ASRGL1: variants seen among roughly 807,000 people sequenced by gnomAD.
ASRGL1 encodes asparaginase and isoaspartyl peptidase 1.
A neutral mutation model predicts 22.4 loss-of-function variants in ASRGL1; 16 were observed. The ratio of observed to expected loss-of-function variants is 0.71; its 90% CI spans 0.48 to 1.08. ASRGL1 has a LOEUF of 1.08. ASRGL1 is among the 50% of genes least tolerant of loss of function. The probability of loss-of-function intolerance (pLI) is 0.00; values close to 1 mark genes in which losing one functional copy is unlikely to be tolerated. For synonymous variants in ASRGL1, 165 were observed against 159.3 expected, an observed-to-expected ratio of 1.04 and a Z score of -0.27; for missense variants, 412 against 410.1, an observed-to-expected ratio of 1.00 and a Z score of -0.04.
chr11:62,349,008 G>T (rs1303862508), intron 2 of ASRGL1, among the ~76,000 whole-genome samples: 4 of 151,402 alleles, frequency 2.6e-5, no homozygotes, highest in African/African-American at 9.7e-5. Context: ...TCACTCTGTC[G>T]CCCAGGCTGG....
In ASRGL1 at chr11:62,392,733, AAGC is replaced by A. The variant is rs1453176625; in HGVS notation, c.*452_*454del. Reference sequence around the variant, plus strand: ...TTTGAAAGTGACACAGCAGCAGTAGAAGCAGTGGTGGGCGAAGCCCAGGTGACC... The same window carrying A: ...TTTGAAAGTGACACAGCAGCAGTAGAAGTGGTGGGCGAAGCCCAGGTGACC... On this transcript the variant is annotated 3_prime_UTR_variant, in exon 7 of 7. Transcript: ENST00000415229. 4.3e-5 allele frequency: 8 copies of A among 188,208 alleles called. No individual in the cohort carries two copies. The highest frequency in any genetic ancestry group is 1.7e-4 in the African/African-American group (7 of 42,146). 11.7% of individuals were successfully genotyped at this position (188,208 alleles called of 1,614,324 possible). A position where few individuals can be genotyped will look rare whatever the true frequency, so the allele number is the denominator to read the frequency against.
downstream of ASRGL1, among the ~76,000 whole-genome samples, chr11:62,397,135 T>C (rs1947441216): frequency 6.6e-6 from 1 of 152,164 alleles, no homozygotes; most frequent in African/African-American, 2.4e-5. Context: ...GTTCAAGCGA[T>C]TCTCCTGCCT....
intron 4 of ASRGL1, among the ~76,000 whole-genome samples, chr11:62,381,395 T>C (rs575657231): frequency 2.3e-4 from 35 of 152,228 alleles, no homozygotes; most frequent in Non-Finnish European, 4.4e-4. Context: ...ATATTTACAA[T>C]GTGAACTTTT....
intron 4 of ASRGL1, among the ~76,000 whole-genome samples, chr11:62,380,685 A>G (rs1296724418): frequency 6.6e-6 from 1 of 152,184 alleles, no homozygotes; most frequent in African/African-American, 2.4e-5. Context: ...GTCTATGTCC[A>G]TGAGCAGTGG....
At chr11:62,397,937 C>A (rs1369557451), downstream of ASRGL1, among the ~76,000 whole-genome samples, 2 of 152,090 alleles carry the variant, frequency 1.3e-5, no homozygotes, top group African/African-American at 4.8e-5. Context: ...AAATCCAGCA[C>A]CTTTCTTACT....
At chr11:62,369,299 C>T (rs1299351014) in intron 4 of ASRGL1, among the ~76,000 whole-genome samples, 2 of 152,132 alleles carry the variant, frequency 1.3e-5, no homozygotes, top group African/African-American at 2.4e-5. Flanking sequence ...CAACACAGCA[C>T]ATGTCTCTGC....
chr11:62,400,758 G>A, the ASRGL1 span, among the ~76,000 whole-genome samples: 4 of 152,284 alleles, frequency 2.6e-5, no homozygotes, highest in Middle Eastern at 3.4e-3. Context: ...GGCAGGCTTC[G>A]AGTTCAACTC....
intron 4 of ASRGL1, among the ~76,000 whole-genome samples, chr11:62,375,273 C>T (rs1946884303): frequency 6.6e-6 from 1 of 151,294 alleles, no homozygotes; most frequent in South Asian, 2.1e-4. Flanking sequence ...ACACAGTTGC[C>T]CGGCTGGGAA....
intron 4 of ASRGL1, among the ~76,000 whole-genome samples, chr11:62,384,037 T>C (rs1200702277): frequency 2.0e-5 from 3 of 148,242 alleles, no homozygotes; most frequent in Non-Finnish European, 4.5e-5. Flanking sequence ...CGTGTGTGCG[T>C]GTGTGTGTGT....
At chr11:62,364,647 G>T (rs1946566457) in intron 4 of ASRGL1, among the ~76,000 whole-genome samples, 1 of 152,192 alleles carries the variant, frequency 6.6e-6, no homozygotes, top group African/African-American at 2.4e-5. Flanking sequence ...ATATACAGTG[G>T]AATATAATTC....
chr11:62,350,336 G>A (rs1012848378), intron 2 of ASRGL1, among the ~76,000 whole-genome samples: 1 of 152,076 alleles, frequency 6.6e-6, no homozygotes, highest in African/African-American at 2.4e-5. Context: ...ACATTCACCC[G>A]GGAAAGGATA....
chr11:62,371,233 C>T (rs1243716541), intron 4 of ASRGL1: 2 of 1,267,810 alleles, frequency 1.6e-6, no homozygotes, highest in African/African-American at 1.6e-5. Context: ...GCCCCGCAGC[C>T]GGAAGCGCGA....
intron 2 of ASRGL1, among the ~76,000 whole-genome samples, chr11:62,340,911 T>G (rs904687014): frequency 2.0e-5 from 3 of 152,242 alleles, no homozygotes; most frequent in Admixed American, 6.5e-5. Flanking sequence ...ATGACACAAC[T>G]TGCCTGAACA....
At chr11:62,347,098 G>C (rs1209847357) in intron 2 of ASRGL1, among the ~76,000 whole-genome samples, 1 of 152,162 alleles carries the variant, frequency 6.6e-6, no homozygotes, top group East Asian at 1.9e-4. Flanking sequence ...TTCTGAGGAA[G>C]TCTCATGTAA....
rs777744851 is a variant in ASRGL1, at chr11:62,392,273, G to C, written c.916G>C (p.Asp306His). Residue 306 changes from aspartate to histidine, a missense_variant, in exon 7 of 7, where the codon GAC becomes CAC. Physicochemically the swap from Asp to His is moderately conservative, Grantham distance 81. Transcript: ENST00000415229. ...TGATCCTGACGATACTACTATCACC[G>C]ACCTTCCCTAAGCCGCTGGAAGATT... ...GIDPDDTTIT[D>H]LP 187 of 1,613,522 alleles carry C rather than the reference G, an allele frequency of 1.2e-4. No individual in the cohort carries two copies. Among genetic ancestry groups the C allele is most frequent in the Non-Finnish European group, 1.5e-4 (179 of 1,180,042 alleles).
chr11:62,369,604 C>T (rs1450149820), intron 4 of ASRGL1, among the ~76,000 whole-genome samples: 1 of 152,046 alleles, frequency 6.6e-6, no homozygotes. Flanking sequence ...ATAGTACTTC[C>T]GATGGTCTTA....
Position 62,375,608 on chromosome 11 carries a change from C to T in ASRGL1, c.492-13525C>T, listed in dbSNP as rs1946906653. Among the ~76,000 whole-genome samples, 6 of 151,362 alleles carry T rather than the reference C, an allele frequency of 4.0e-5. No individual in the cohort carries two copies. In the South Asian group the frequency reaches 1.3e-3, roughly 32 times the overall value. ...AACGATACCCAGTGGAAATATTTGTCATCATTCCTTCTTCCTCAGGTTTGG... is the reference window on the plus strand; with the variant it reads ...AACGATACCCAGTGGAAATATTTGTTATCATTCCTTCTTCCTCAGGTTTGG... On this transcript the variant is annotated intron_variant, in intron 4 of 6. Coordinates refer to ENST00000415229, the MANE Select transcript of ASRGL1 (RefSeq NM_001083926.2).
intron 2 of ASRGL1, among the ~76,000 whole-genome samples, chr11:62,355,276 A>G (rs1946255000): frequency 6.9e-6 from 1 of 144,902 alleles, no homozygotes; most frequent in Non-Finnish European, 1.5e-5. Flanking sequence ...CCCAGGCTGG[A>G]GTGCAGTGGT....
chr11:62,353,189 C>T (rs1387552853), intron 2 of ASRGL1, among the ~76,000 whole-genome samples: 1 of 152,038 alleles, frequency 6.6e-6, no homozygotes, highest in Non-Finnish European at 1.5e-5. Flanking sequence ...CTTGTCTGTT[C>T]TGCTGTTAAG....
Sources: gnomAD v4.1 joint callset for allele counts (sites outside exome capture counted in the v4.1 genomes callset) on GRCh38, gnomAD v4.1.1 for gene constraint, MANE v1.5 for transcripts, NCBI Gene and HGNC (gene_info 2026-07-23, HGNC 2026-07-21) for gene names.